PAG1: variants seen among roughly 807,000 people sequenced by gnomAD.
The protein encoded by PAG1 is phosphoprotein associated with glycosphingolipid-enriched microdomains 1.
A neutral mutation model predicts 31.7 loss-of-function variants in PAG1; 23 were observed. That is an observed-to-expected ratio of 0.73 (90% CI 0.52 to 1.03). The LOEUF (loss-of-function observed/expected upper bound fraction) is 1.03, where lower values mean the gene tolerates loss of function less well. Among genes scored for constraint, PAG1 ranks in the 50% least tolerant of loss-of-function variants. The probability of loss-of-function intolerance (pLI) is 0.00; values close to 1 mark genes in which losing one functional copy is unlikely to be tolerated. For missense variants in PAG1, 473 were observed against 540.7 expected (o/e 0.87, Z 1.24); for synonymous variants, 214 against 210.3 (o/e 1.02, Z -0.15).
chr8:81,061,008 T>C (rs1808908738), intron 2 of PAG1, among the ~76,000 whole-genome samples: 1 of 152,190 alleles, frequency 6.6e-6, no homozygotes, highest in South Asian at 2.1e-4. Context: ...CCAAATTATA[T>C]CTGTTTTGCA....
intron 2 of PAG1, among the ~76,000 whole-genome samples, chr8:81,043,476 A>G (rs943572789): frequency 2.6e-5 from 4 of 151,010 alleles, no homozygotes; most frequent in Admixed American, 2.6e-4. Context: ...CAACAGTTTC[A>G]TTGTGTTCAT....
intron 2 of PAG1, among the ~76,000 whole-genome samples, chr8:81,034,403 A>T (rs1216316631): frequency 6.6e-6 from 1 of 152,232 alleles, no homozygotes; most frequent in African/African-American, 2.4e-5. Context: ...AGAGAGTAGG[A>T]TTACCGGCTG....
chr8:81,085,006 G>T (rs1809328514), intron 1 of PAG1, among the ~76,000 whole-genome samples: 1 of 152,020 alleles, frequency 6.6e-6, no homozygotes. Context: ...TACAATGAAG[G>T]GCAAGAAATG....
chr8:81,000,701 C>G (rs902095632), intron 3 of PAG1, among the ~76,000 whole-genome samples: 5 of 152,146 alleles, frequency 3.3e-5, no homozygotes, highest in African/African-American at 1.2e-4. Flanking sequence ...CTAGGCCTCC[C>G]AAAATGCTGG....
Position 80,973,408 on chromosome 8 carries a change from G to T in PAG1, c.*3136C>A, listed in dbSNP as rs1218800209. On this transcript the variant is annotated 3_prime_UTR_variant, in exon 9 of 9. Transcript: ENST00000220597. ...ATTAAAAAAATTTTGCATAAAACAG[G>T]TTACCCTTTCCTGCTGACTATACTT... 2 of 152,042 alleles carry T rather than the reference G, an allele frequency of 1.3e-5. No homozygotes were observed. The highest frequency in any genetic ancestry group is 6.6e-5 in the Admixed American group (1 of 15,262). The allele number at this position is 152,042 out of a possible 1,614,324, so 9.4% of individuals were successfully genotyped here.
chr8:81,012,411 T>C (rs142793715), intron 3 of PAG1, among the ~76,000 whole-genome samples: 48 of 152,334 alleles, frequency 3.2e-4, no homozygotes, highest in African/African-American at 1.1e-3. Context: ...CAGATTGCCA[T>C]TCAGCATAGA....
chr8:80,994,679 CCT>C (rs1316315245), intron 3 of PAG1, among the ~76,000 whole-genome samples: 5 of 152,250 alleles, frequency 3.3e-5, no homozygotes, highest in Non-Finnish European at 7.4e-5. Context: ...GTCACTGCAC[CCT>C]GTCCCAATAC....
At chr8:81,058,840 T>C (rs987277272) in intron 2 of PAG1, among the ~76,000 whole-genome samples, 1 of 152,138 alleles carries the variant, frequency 6.6e-6, no homozygotes, top group Non-Finnish European at 1.5e-5. Context: ...GAGGCTGCAC[T>C]GAGGTATGAT....
At chr8:81,060,184 C>T (rs181160789) in intron 2 of PAG1, among the ~76,000 whole-genome samples, 9 of 152,298 alleles carry the variant, frequency 5.9e-5, no homozygotes. Flanking sequence ...GGCAGGGTTA[C>T]TCATTCTTAA....
At chr8:80,987,560 A>C in intron 5 of PAG1, 94 bp from the exon 6 acceptor site, 1 of 829,616 alleles carries the variant, frequency 1.2e-6, no homozygotes, top group South Asian at 1.4e-5. Context: ...TTTTCAAAAA[A>C]TTAAAACAGC....
rs113846206 is a variant in PAG1 at position 80,991,954 on chromosome 8, C to T, written c.126-424G>A. Among the ~76,000 whole-genome samples the T allele has an allele frequency of 6.9e-3, 1,050 of 151,098 alleles. 9 individuals are homozygous for T. The highest frequency in any genetic ancestry group is 0.024 in the African/African-American group (993 of 41,062). ...ATGGAGAAAATACAGATTTTTGGCA[C>T]GCCAGGAAGGGTACATGCTCTCAGG... On this transcript the variant is annotated intron_variant, in intron 4 of 8. Coordinates refer to ENST00000220597, the MANE Select transcript of PAG1 (RefSeq NM_018440.4).
intron 1 of PAG1, among the ~76,000 whole-genome samples, chr8:81,078,069 G>A (rs1750207572): frequency 6.6e-6 from 1 of 152,182 alleles, no homozygotes; most frequent in African/African-American, 2.4e-5. Flanking sequence ...ATGTCTTGAG[G>A]TACAGAAGTA....
In PAG1 at chr8:80,985,230, G is replaced by C; in HGVS notation, c.422C>G (p.Ala141Gly). 1 of 1,614,124 alleles carries C rather than the reference G, an allele frequency of 6.2e-7. No homozygotes were observed. The highest frequency in any genetic ancestry group is 8.5e-7 in the Non-Finnish European group (1 of 1,180,030). The change falls in exon 7 of 9, where the codon GCA becomes GGA. Residue 141 changes from alanine to glycine, a missense_variant. Physicochemically the swap from Ala to Gly is moderately conservative, Grantham distance 60. Transcript: ENST00000220597. ...TCTCGCCGTGAGCATGGTATCCACT[G>C]CGCTCTCGGGAGGGATTCTGGGCAG... ...RELPRIPPES[A>G]VDTMLTARSV...
chr8:81,070,958 A>G (rs1809084042), intron 1 of PAG1, among the ~76,000 whole-genome samples: 1 of 152,234 alleles, frequency 6.6e-6, no homozygotes, highest in African/African-American at 2.4e-5. Context: ...CCTGATAACG[A>G]GACTGAATTT....
rs546345158 is a variant in PAG1 at position 81,073,017 on chromosome 8, T to G, written c.-233-2847A>C. On this transcript the variant is annotated intron_variant, in intron 1 of 8. Coordinates refer to ENST00000220597, the MANE Select transcript of PAG1 (RefSeq NM_018440.4). ...TAAGAAGTATTGCTAGATATGCCTT[T>G]CCTTCACTTTCAGTAGACTGAACGC... is the stretch of plus-strand genomic sequence containing the variant. 2.0e-5 allele frequency among the ~76,000 whole-genome samples: 3 copies of G among 152,324 alleles called. No individual in the cohort carries two copies. In the East Asian group the frequency reaches 5.8e-4, roughly 29 times the overall value.
At chr8:81,009,626 T>A (rs1586162613) in intron 3 of PAG1, among the ~76,000 whole-genome samples, 1 of 148,298 alleles carries the variant, frequency 6.7e-6, no homozygotes, top group East Asian at 1.9e-4. Flanking sequence ...CATTGCCAAC[T>A]TTTTTTTTAA....
At chr8:80,984,740 A>C in intron 7 of PAG1, 36 bp downstream of exon 7, 1 of 1,593,548 alleles carries the variant, frequency 6.3e-7, no homozygotes, top group Non-Finnish European at 8.6e-7. Flanking sequence ...CCAGAACAGG[A>C]ACCCACAAAG....
chr8:81,015,657 T>C (rs903660544), intron 3 of PAG1, among the ~76,000 whole-genome samples: 12 of 152,226 alleles, frequency 7.9e-5, no homozygotes, highest in Admixed American at 6.5e-4. Context: ...TGAACATCTA[T>C]GATTAGCCTG....
In PAG1 at chr8:81,015,499, T is replaced by C. The variant is rs549459905; in HGVS notation, c.-81+14497A>G. ...GCTTTACCCACTTACATTATATTTC[T>C]GCAACAGGGAAAGAATGTATAATGT... On this transcript the variant is annotated intron_variant, in intron 3 of 8. Transcript: ENST00000220597. 4.9e-4 allele frequency among the ~76,000 whole-genome samples: 75 copies of C among 152,346 alleles called. No individual in the cohort carries two copies. The South Asian group carries it at 5.0e-3, about 10-fold the overall frequency.
Sources: allele counts gnomAD v4.1 joint callset (sites outside exome capture counted in the v4.1 genomes callset), GRCh38; gene constraint gnomAD v4.1.1; transcripts MANE v1.5; gene names NCBI Gene and HGNC (gene_info 2026-07-23, HGNC 2026-07-21).